Variants in INTS1 observed in about 807,000 individuals in gnomAD.
INTS1 encodes the protein integrator complex subunit 1.
In INTS1, 137 loss-of-function variants were observed where a neutral mutation model predicts 241.6. That is an observed-to-expected ratio of 0.57 (90% CI 0.49 to 0.65). The LOEUF (loss-of-function observed/expected upper bound fraction) is 0.65. INTS1 is among the 30% of genes least tolerant of loss of function. The pLI is 0.00. For synonymous variants in INTS1, 1,692 were observed against 1,337.8 expected (o/e 1.26, Z -5.78); for missense variants, 3,073 against 3,032.2 (o/e 1.01, Z -0.32).
At chr7:1,503,845 A>C in intron 2 of INTS1, 58 bp downstream of exon 2, 14 of 1,186,824 alleles carry the variant, frequency 1.2e-5, no homozygotes, top group African/African-American at 1.7e-5. Flanking sequence ...TGAGATCCCC[A>C]AAGACCCCCA....
At chr7:1,476,098 A>G (rs1261998377) in intron 38 of INTS1, 27 bp from the exon 39 acceptor site, 1 of 1,531,958 alleles carries the variant, frequency 6.5e-7, no homozygotes, top group Admixed American at 2.0e-5. Flanking sequence ...AGGGCTCACC[A>G]GGCGGACGGG....
chr7:1,472,289 C>A lies in INTS1; in HGVS notation c.6168G>T (p.Arg2056=). 1 of 1,556,310 alleles carries A rather than the reference C, an allele frequency of 6.4e-7. No individual in the cohort carries two copies. The highest frequency in any genetic ancestry group is 1.4e-5 in the African/African-American group (1 of 73,548). Residue 2056 remains arginine, a synonymous_variant, in exon 44 of 48, where the codon CGG becomes CGT. Coordinates refer to ENST00000404767, the MANE Select transcript of INTS1 (RefSeq NM_001080453.3). ...CTGACTCACCCTCCACCGTTTGGCC[C>A]CGGGAAAGCCGTTTCATGTAGGGGG... ...EMAPYMKRLS[R]GQTVEDLLEV... is the part of the protein sequence containing the mutation.
In INTS1 at chr7:1,499,344, G is replaced by T. The variant is rs763056198; in HGVS notation, c.861C>A (p.Pro287=). 8 of 1,593,950 alleles carry T rather than the reference G, an allele frequency of 5.0e-6. No individual in the cohort carries two copies. In the African/African-American group the frequency reaches 1.1e-4, roughly 21 times the overall value. Reference sequence around the variant, plus strand: ...GGCTGTCCTCCTCCTCCGTGAGGGAGGGGTGTGGGCTGCTCCCTGCAAACC... The same window carrying T: ...GGCTGTCCTCCTCCTCCGTGAGGGATGGGTGTGGGCTGCTCCCTGCAAACC... The part of the protein sequence containing the change: ...GDLGAGSSPH[P]SLTEEEDSQT... Residue 287 remains proline, a synonymous_variant, in exon 7 of 48, where the codon CCC becomes CCA. Coordinates refer to ENST00000404767, the MANE Select transcript of INTS1 (RefSeq NM_001080453.3).
At chr7:1,488,311 C>A (rs944163904) in intron 18 of INTS1, among the ~76,000 whole-genome samples, 2 of 152,194 alleles carry the variant, frequency 1.3e-5, no homozygotes, top group Non-Finnish European at 2.9e-5. Context: ...CATGTAGGCT[C>A]TGCCCGCCCC....
chr7:1,477,977 C>A, intron 33 of INTS1, 41 bp from the exon 34 acceptor site: 1 of 1,577,210 alleles, frequency 6.3e-7, no homozygotes, highest in South Asian at 1.1e-5. Flanking sequence ...ACTCCCAGGT[C>A]GGGTGGGGGC....
intron 22 of INTS1, 59 bp downstream of exon 22, chr7:1,486,566 C>A: frequency 1.3e-6 from 2 of 1,553,212 alleles, no homozygotes; most frequent in Non-Finnish European, 1.7e-6. Flanking sequence ...TGCCCGGTCC[C>A]CAGCCTACTC....
At chr7:1,498,240 G>C (rs1222306821) in intron 10 of INTS1, 172 bp downstream of exon 10, 4 of 995,266 alleles carry the variant, frequency 4.0e-6, no homozygotes, top group Non-Finnish European at 2.9e-6. Flanking sequence ...ACCCACTCTA[G>C]AAACGGCTCA....
rs746519272 is a variant in INTS1 at position 1,482,577 on chromosome 7, G to T, written c.3672C>A (p.Ile1224=). The part of the protein sequence containing the change: ...LLPDWLKLRM[I]RSEVLRLVDA... ...CCACCAGGCGGAGCACCTCAGAACG[G>T]ATCATGCGCAGCTTCAGCCAGTCAG... Residue 1224 remains isoleucine (I), a synonymous_variant, in exon 27 of 48, where the codon ATC becomes ATA. Transcript: ENST00000404767. The T allele has an allele frequency of 1.9e-6, 3 of 1,612,664 alleles. No homozygotes were observed. The highest frequency in any genetic ancestry group is 2.7e-5 in the African/African-American group (2 of 74,956).
At chr7:1,491,814 C>G (rs1377893528) in intron 16 of INTS1, among the ~76,000 whole-genome samples, 1 of 152,236 alleles carries the variant, frequency 6.6e-6, no homozygotes, top group Non-Finnish European at 1.5e-5. Context: ...GGGAGGACCG[C>G]TTGAGCCAGG....
intron 44 of INTS1, 76 bp downstream of exon 44, chr7:1,472,197 G>T: frequency 8.9e-7 from 1 of 1,120,932 alleles, no homozygotes; most frequent in Non-Finnish European, 1.3e-6. Flanking sequence ...GTGCCCAAAT[G>T]GCTACTGGCT....
chr7:1,474,648 C>A, intron 40 of INTS1, 57 bp downstream of exon 40: 2 of 1,511,000 alleles, frequency 1.3e-6, no homozygotes, highest in Non-Finnish European at 1.8e-6. Flanking sequence ...GCTGGAGAGC[C>A]GCAGACCCCC....
chr7:1,496,219 T>A lies in INTS1; in HGVS notation c.1648A>T (p.Met550Leu). ...TTCACCTGCGCTGTGATGCCCAGCA[T>A]CATGGACACGGCCAGGACGTCGGTG... Reference protein sequence around the residue: ...HITDVLAVSMMLGITAQVKEA... With the variant: ...HITDVLAVSMLLGITAQVKEA... Residue 550 changes from methionine (M) to leucine (L), a missense_variant, in exon 12 of 48, where the codon ATG becomes TTG. Coordinates refer to ENST00000404767, the MANE Select transcript of INTS1 (RefSeq NM_001080453.3). 1 of 1,613,856 alleles carries A rather than the reference T, an allele frequency of 6.2e-7. No homozygotes were observed. The highest frequency in any genetic ancestry group is 8.5e-7 in the Non-Finnish European group (1 of 1,179,828).
chr7:1,493,541 G>A lies in INTS1; in HGVS notation c.2068+213C>T, dbSNP rs1442834004. 6.6e-6 allele frequency among the ~76,000 whole-genome samples: 1 copy of A among 152,036 alleles called. No homozygotes were observed. The highest frequency in any genetic ancestry group is 1.5e-5 in the Non-Finnish European group (1 of 68,012). ...AAAAATGTGCAAATTCCAAAGAACGGGGCAGTGACTGCACCATTGCCAAAT... is the reference window on the plus strand; with the variant it reads ...AAAAATGTGCAAATTCCAAAGAACGAGGCAGTGACTGCACCATTGCCAAAT... On this transcript the variant is annotated intron_variant, in intron 15 of 47. Transcript: ENST00000404767. The surrounding 1 kb of genome is among the most constrained non-coding windows in gnomAD (Gnocchi z 5.3).
Position 1,482,714 on chromosome 7 carries a change from G to C in INTS1, c.3542-7C>G. On this transcript the variant is annotated splice_region_variant and splice_polypyrimidine_tract_variant and intron_variant, in intron 26 of 47. Coordinates refer to ENST00000404767, the MANE Select transcript of INTS1 (RefSeq NM_001080453.3). ...TGGAACTCGCTGTCGTCGGCTTCAG[G>C]AAGGACAACGGGTGAGCAGCCTTCA... 6.2e-7 allele frequency: 1 copy of C among 1,612,252 alleles called. No homozygotes were observed. Among genetic ancestry groups the C allele is most frequent in the South Asian group, 1.1e-5 (1 of 91,048 alleles).
intron 18 of INTS1, 22 bp from the exon 19 acceptor site, chr7:1,487,979 T>A (rs1782356441): frequency 1.2e-6 from 2 of 1,610,916 alleles, no homozygotes; most frequent in African/African-American, 2.7e-5. Context: ...CGGGGGAGCG[T>A]GTCACCCTGC....
chr7:1,476,344 A>G lies in INTS1; in HGVS notation c.5263T>C (p.Cys1755Arg). The change falls in exon 38 of 48, where the codon TGC becomes CGC. Residue 1755 changes from cysteine to arginine, a missense_variant. Cys to Arg is a radical substitution (Grantham distance 180). Transcript: ENST00000404767. ...TRSQDGDTAA[C>R]SLIQARLPLL... ...GGCAGCCGGGCCTGGATGAGGCTGC[A>G]GGCGGCTGTGTCCCCGTCCTGGCTC... The G allele has an allele frequency of 6.3e-7, 1 of 1,580,186 alleles. No homozygotes were observed. Among genetic ancestry groups the G allele is most frequent in the South Asian group, 1.2e-5 (1 of 86,462 alleles).
intron 42 of INTS1, 81 bp downstream of exon 42, chr7:1,473,485 G>A (rs1466572012): frequency 1.3e-5 from 20 of 1,487,774 alleles, no homozygotes; most frequent in Non-Finnish European, 1.6e-5. Flanking sequence ...GACACGACAC[G>A]GCCTTCCCAG....
intron 22 of INTS1, among the ~76,000 whole-genome samples, chr7:1,485,886 C>G (rs142850101): frequency 1.2e-3 from 177 of 152,348 alleles, no homozygotes; most frequent in East Asian, 6.0e-3. Flanking sequence ...CAGCTCACTA[C>G]AGCCTCAAGT....
At chr7:1,473,814 C>CCAACCACTGGGGCGT (rs1464845487) in intron 41 of INTS1, 121 bp from the exon 42 acceptor site, 1 of 1,275,438 alleles carries the variant, frequency 7.8e-7, no homozygotes, top group Non-Finnish European at 1.1e-6. Context: ...GCCCCCTCTG[C>CCAACCACTGGGGCGT]CAACCACTGG....
Sources: allele counts gnomAD v4.1 joint callset (sites outside exome capture counted in the v4.1 genomes callset), GRCh38; gene constraint gnomAD v4.1.1; non-coding constraint Gnocchi (gnomAD v3.1); transcripts MANE v1.5; gene names NCBI Gene and HGNC (gene_info 2026-07-23, HGNC 2026-07-21).